DENND5B: variants seen among roughly 807,000 people sequenced by gnomAD.
DENND5B encodes the protein DENN domain-containing protein 5B.
Under a neutral mutation model 140.6 loss-of-function variants are expected in DENND5B, and 34 were observed. The observed-to-expected ratio is 0.24, with a 90% CI of 0.18 to 0.32. The LOEUF (loss-of-function observed/expected upper bound fraction) is 0.32. Among genes scored for constraint, DENND5B ranks in the 10% least tolerant of loss-of-function variants. The pLI, the probability that DENND5B is intolerant of heterozygous loss-of-function variation, is 1.00. For synonymous variants in DENND5B, 551 were observed against 562.1 expected (o/e 0.98, Z 0.28); for missense variants, 1,142 against 1,560.2 (o/e 0.73, Z 4.52).
intron 1 of DENND5B, among the ~76,000 whole-genome samples, chr12:31,518,659 T>A (rs1000580800): frequency 6.6e-6 from 1 of 152,166 alleles, no homozygotes. Context: ...GTATATTACC[T>A]TCCCTTCTCA....
intron 19 of DENND5B, among the ~76,000 whole-genome samples, chr12:31,391,104 A>C (rs898108954): frequency 6.6e-6 from 1 of 152,192 alleles, no homozygotes; most frequent in African/African-American, 2.4e-5. Context: ...AAAGGCTGAA[A>C]TCATTCCAAT....
chr12:31,464,045 A>C (rs563151477), intron 3 of DENND5B, among the ~76,000 whole-genome samples: 4 of 152,236 alleles, frequency 2.6e-5, no homozygotes, highest in Non-Finnish European at 4.4e-5. Flanking sequence ...TAAAAGGCAG[A>C]GTTTTCTTCT....
At chr12:31,480,332 AAC>A in intron 2 of DENND5B, 77 bp from the exon 3 acceptor site, 1 of 1,021,380 alleles carries the variant, frequency 9.8e-7, no homozygotes, top group South Asian at 1.9e-5. Context: ...TTGTTTTTTT[AAC>A]ATAACAGGAT....
intron 2 of DENND5B, among the ~76,000 whole-genome samples, chr12:31,483,348 G>A (rs1035074230): frequency 6.6e-6 from 1 of 152,162 alleles, no homozygotes; most frequent in Non-Finnish European, 1.5e-5. Context: ...ATTGTATTAG[G>A]TGAGTGCAAA....
intron 3 of DENND5B, among the ~76,000 whole-genome samples, chr12:31,473,751 C>T (rs901073996): frequency 2.6e-5 from 4 of 152,188 alleles, no homozygotes; most frequent in South Asian, 4.2e-4. Flanking sequence ...GTATCTAAGG[C>T]GATTTTGGAA....
intron 11 of DENND5B, 95 bp from the exon 12 acceptor site, chr12:31,415,543 T>C: frequency 3.0e-6 from 3 of 999,462 alleles, no homozygotes; most frequent in South Asian, 1.5e-5. Context: ...TAAGAACAAA[T>C]TTTAACAATA....
At chr12:31,431,084 G>A (rs967060012) in intron 8 of DENND5B, among the ~76,000 whole-genome samples, 2 of 152,174 alleles carry the variant, frequency 1.3e-5, no homozygotes, top group African/African-American at 4.8e-5. Flanking sequence ...TTATAATACA[G>A]TCTAGAAGTA....
At chr12:31,413,138 A>G (rs553761689) in intron 13 of DENND5B, among the ~76,000 whole-genome samples, 1 of 152,252 alleles carries the variant, frequency 6.6e-6, no homozygotes, top group Admixed American at 6.5e-5. Context: ...GCTGGTCTTG[A>G]ATTCCTGGAC....
chr12:31,519,771 A>C (rs1947807025), intron 1 of DENND5B, among the ~76,000 whole-genome samples: 1 of 152,172 alleles, frequency 6.6e-6, no homozygotes, highest in Non-Finnish European at 1.5e-5. Flanking sequence ...ATGCTTCAGA[A>C]TTTTTTTATA....
chr12:31,545,950 CA>C (rs57460264), intron 1 of DENND5B, among the ~76,000 whole-genome samples: 611 of 36,350 alleles, frequency 0.017, 10 homozygotes, highest in Middle Eastern at 0.079. Context: ...GACACTGTCT[CA>C]AAAAAAAAAA....
chr12:31,401,864 ATCTGCT>A (rs1941812062), intron 15 of DENND5B, among the ~76,000 whole-genome samples: 1 of 152,082 alleles, frequency 6.6e-6, no homozygotes, highest in African/African-American at 2.4e-5. Context: ...GGCTCAAGCA[ATCTGCT>A]CACCTTGGTC....
At chr12:31,515,925 T>C (rs934514067) in intron 1 of DENND5B, among the ~76,000 whole-genome samples, 2 of 152,140 alleles carry the variant, frequency 1.3e-5, no homozygotes, top group African/African-American at 2.4e-5. Flanking sequence ...ATTCAACTGT[T>C]AGAGACAATT....
At chr12:31,438,466 G>A (rs756768280) in intron 7 of DENND5B, among the ~76,000 whole-genome samples, 3 of 152,086 alleles carry the variant, frequency 2.0e-5, no homozygotes, top group Non-Finnish European at 4.4e-5. Context: ...TTTATATAAG[G>A]GAAAAATGTG....
intron 2 of DENND5B, among the ~76,000 whole-genome samples, chr12:31,490,712 T>C (rs775687922): frequency 6.6e-6 from 1 of 152,196 alleles, no homozygotes; most frequent in Non-Finnish European, 1.5e-5. Context: ...AATTTGGGAT[T>C]ATCCATTTCA....
intron 3 of DENND5B, 81 bp from the exon 4 acceptor site, chr12:31,460,462 T>G: frequency 4.9e-6 from 7 of 1,414,172 alleles, no homozygotes; most frequent in Middle Eastern, 1.8e-4. Context: ...ATGTGGATCT[T>G]AAGAAAAAAA....
chr12:31,468,724 T>C (rs1299518546), intron 3 of DENND5B, among the ~76,000 whole-genome samples: 4 of 152,008 alleles, frequency 2.6e-5, no homozygotes, highest in African/African-American at 9.7e-5. Context: ...GGCAGGAGGA[T>C]TGCCTGAGCC....
At chr12:31,433,035 A>C in intron 8 of DENND5B, 120 bp downstream of exon 8, 2 of 858,464 alleles carry the variant, frequency 2.3e-6, no homozygotes, top group Non-Finnish European at 3.7e-6. Flanking sequence ...ATTTTAAACT[A>C]TAACTAAACA....
rs747559716 is a variant in DENND5B, at chr12:31,452,187, G to C, written c.1382C>G (p.Ala461Gly). 6.2e-7 allele frequency: 1 copy of C among 1,613,936 alleles called. No individual in the cohort carries two copies. Among genetic ancestry groups the C allele is most frequent in the Admixed American group, 1.7e-5 (1 of 60,012 alleles). Residue 461 changes from alanine to glycine, a missense_variant, in exon 5 of 21, where the codon GCC becomes GGC. Ala to Gly is a moderately conservative substitution (Grantham distance 60). Coordinates refer to ENST00000389082, the MANE Select transcript of DENND5B (RefSeq NM_144973.4). ...TTCCACAGCCACACCAGTACGCTTG[G>C]CCAGAGCCTGCAAGCGGGCTATGGT... ...NETIARLQALAKRTGVAVEKM... is the reference protein window; with the variant it reads ...NETIARLQALGKRTGVAVEKM...
chr12:31,505,297 G>A (rs139009040), intron 1 of DENND5B, among the ~76,000 whole-genome samples: 113 of 146,724 alleles, frequency 7.7e-4, no homozygotes, highest in Middle Eastern at 3.7e-3. Flanking sequence ...AGAGTGTGAC[G>A]TTGAGATCTT....
Sources: gnomAD v4.1 joint callset for allele counts (sites outside exome capture counted in the v4.1 genomes callset) on GRCh38, gnomAD v4.1.1 for gene constraint, MANE v1.5 for transcripts, NCBI Gene and HGNC (gene_info 2026-07-23, HGNC 2026-07-21) for gene names.